PCMTD1: variants seen among roughly 807,000 people sequenced by gnomAD.
The protein encoded by PCMTD1 is protein-L-isoaspartate (D-aspartate) O-methyltransferase domain containing 1, also known as protein-L-isoaspartate O-methyltransferase domain-containing protein 1.
A neutral mutation model predicts 37.6 loss-of-function variants in PCMTD1; 12 were observed. That is an observed-to-expected ratio of 0.32 (90% confidence interval 0.20 to 0.52). PCMTD1 has a LOEUF of 0.52. PCMTD1 is among the 20% of genes least tolerant of loss of function. The probability of loss-of-function intolerance (pLI) is 0.97; values close to 1 mark genes in which losing one functional copy is unlikely to be tolerated. For synonymous variants in PCMTD1, 117 were observed against 135.8 expected, an observed-to-expected ratio of 0.86 and a Z score of 0.96; for missense variants, 235 against 421.3, an observed-to-expected ratio of 0.56 and a Z score of 3.87.
intron 1 of PCMTD1, among the ~76,000 whole-genome samples, chr8:51,897,824 A>C (rs1307389964): frequency 6.6e-6 from 1 of 152,160 alleles, no homozygotes; most frequent in Non-Finnish European, 1.5e-5. Flanking sequence ...TTTTTAAAAT[A>C]ATGAGGTGTG....
Position 51,831,586 on chromosome 8 carries a change from G to C in PCMTD1, c.583-19C>G, listed in dbSNP as rs753726413. On this transcript the variant is annotated intron_variant, in intron 4 of 5. Coordinates refer to ENST00000522514, the MANE Select transcript of PCMTD1 (RefSeq NM_052937.4). Reference sequence around the variant, plus strand: ...GTGTTAACTATTTAGAGAAAAAAAAGAAAGAAAGTGAACAACTTAATCCCA... The same window carrying C: ...GTGTTAACTATTTAGAGAAAAAAAACAAAGAAAGTGAACAACTTAATCCCA... 1.3e-6 allele frequency: 2 copies of C among 1,597,692 alleles called. No individual in the cohort carries two copies. Among genetic ancestry groups the C allele is most frequent in the Non-Finnish European group, 1.7e-6 (2 of 1,172,512 alleles).
At chr8:51,896,883 C>A (rs373259751) in intron 1 of PCMTD1, among the ~76,000 whole-genome samples, 763 of 128,266 alleles carry the variant, frequency 5.9e-3, no homozygotes, top group Middle Eastern at 8.0e-3. Flanking sequence ...CGCACTATTA[C>A]AAAAAAAAAA....
chr8:51,876,838 C>G (rs1364051415), intron 1 of PCMTD1, among the ~76,000 whole-genome samples: 6 of 152,186 alleles, frequency 3.9e-5, no homozygotes, highest in Admixed American at 2.6e-4. Flanking sequence ...AAAGCTCTCA[C>G]AGTAGAATGG....
intron 3 of PCMTD1, among the ~76,000 whole-genome samples, chr8:51,834,820 C>A (rs559741781): frequency 1.3e-4 from 20 of 152,180 alleles, no homozygotes; most frequent in Middle Eastern, 3.4e-3. Context: ...AAAATATATG[C>A]CCTGCCCTTC....
At chr8:51,871,877 A>G (rs752316749) in intron 1 of PCMTD1, among the ~76,000 whole-genome samples, 5 of 152,152 alleles carry the variant, frequency 3.3e-5, no homozygotes, top group Non-Finnish European at 5.9e-5. Flanking sequence ...CCAATTCAAT[A>G]CTACATATAA....
intron 1 of PCMTD1, among the ~76,000 whole-genome samples, chr8:51,866,066 A>T (rs1417816204): frequency 3.3e-5 from 5 of 151,868 alleles, no homozygotes; most frequent in Admixed American, 2.0e-4. Flanking sequence ...ATTTACAACA[A>T]CATCAAAAAA....
intron 1 of PCMTD1, among the ~76,000 whole-genome samples, chr8:51,879,038 A>G (rs2038755082): frequency 6.6e-6 from 1 of 152,036 alleles, no homozygotes; most frequent in Non-Finnish European, 1.5e-5. Flanking sequence ...AGGTGGGAAG[A>G]TTGCTTGAGC....
At chr8:51,827,434 T>C (rs968318017) in intron 5 of PCMTD1, 4 of 482,526 alleles carry the variant, frequency 8.3e-6, no homozygotes, top group Admixed American at 2.5e-5. Flanking sequence ...TTCTGAGTAG[T>C]GTAGTATAAT....
At chr8:51,847,272 T>A (rs1385301361) in intron 2 of PCMTD1, among the ~76,000 whole-genome samples, 1 of 152,190 alleles carries the variant, frequency 6.6e-6, no homozygotes, top group Non-Finnish European at 1.5e-5. Context: ...GAATTTGAAT[T>A]TCCATAGATG....
At chr8:51,873,293 T>C (rs919057077) in intron 1 of PCMTD1, among the ~76,000 whole-genome samples, 2 of 152,178 alleles carry the variant, frequency 1.3e-5, no homozygotes, top group South Asian at 4.1e-4. Flanking sequence ...TATTTCAATC[T>C]TATTCATAAA....
intron 2 of PCMTD1, among the ~76,000 whole-genome samples, chr8:51,855,665 GTTTT>G (rs762007282): frequency 1.6e-4 from 24 of 151,712 alleles, no homozygotes; most frequent in Non-Finnish European, 3.1e-4. Context: ...TGCAGAATGT[GTTTT>G]TTGTTTTGTT....
At chr8:51,824,826 G>A (rs2037899362) in intron 5 of PCMTD1, among the ~76,000 whole-genome samples, 1 of 152,100 alleles carries the variant, frequency 6.6e-6, no homozygotes, top group African/African-American at 2.4e-5. Context: ...AAAGCAGCAT[G>A]GTATGGTACC....
intron 1 of PCMTD1, among the ~76,000 whole-genome samples, chr8:51,892,549 G>A (rs1327427467): frequency 6.6e-6 from 1 of 152,194 alleles, no homozygotes; most frequent in Non-Finnish European, 1.5e-5. Context: ...TACAAGAAAA[G>A]ACCACCTACT....
intron 1 of PCMTD1, among the ~76,000 whole-genome samples, chr8:51,896,559 C>T (rs1234824029): frequency 6.6e-6 from 1 of 152,130 alleles, no homozygotes; most frequent in Admixed American, 6.5e-5. Context: ...AATAACATCC[C>T]AATTTACCAT....
rs759501975 is a variant in PCMTD1, at chr8:51,861,117, T to A, written c.35A>T (p.Asp12Val). ...GGAVSAGEDNDDLIDNLKEAQ... is the reference protein window; with the variant it reads ...GGAVSAGEDNVDLIDNLKEAQ... ...TTCTTTTAAATTATCAATTAAGTCA[T>A]CATTATCTTCCCCAGCACTCACAGC... The change falls in exon 2 of 6, where the codon GAT (aspartate) becomes GTT (valine). Residue 12 changes from aspartate to valine, a missense_variant. This residue lies in a region of PCMTD1 where 183 missense variants were observed against 349.3 expected (regional missense o/e 0.52). Coordinates refer to ENST00000522514, the MANE Select transcript of PCMTD1 (RefSeq NM_052937.4). 25 of 1,614,002 alleles carry A rather than the reference T, an allele frequency of 1.5e-5. No homozygotes were observed. The highest frequency in any genetic ancestry group is 2.0e-5 in the Non-Finnish European group (24 of 1,179,902).
intron 2 of PCMTD1, chr8:51,849,111 C>T (rs2038266513): frequency 6.6e-6 from 1 of 151,972 alleles, no homozygotes; most frequent in Non-Finnish European, 1.5e-5. Context: ...AAAAAGCATA[C>T]ATAGCTGCTT....
chr8:51,839,593 C>T, intron 3 of PCMTD1: 1 of 985,376 alleles, frequency 1.0e-6, no homozygotes, highest in Non-Finnish European at 1.2e-6. Flanking sequence ...CCTAGCCTTG[C>T]CCTGTAGCTT....
At chr8:51,850,911 CTT>C (rs1465784626) in intron 2 of PCMTD1, among the ~76,000 whole-genome samples, 1 of 152,106 alleles carries the variant, frequency 6.6e-6, no homozygotes, top group Admixed American at 6.6e-5. Flanking sequence ...AGGTTTCACT[CTT>C]TCTTTTCACA....
chr8:51,844,094 C>T (rs899517293), intron 3 of PCMTD1, among the ~76,000 whole-genome samples: 1 of 152,094 alleles, frequency 6.6e-6, no homozygotes, highest in Non-Finnish European at 1.5e-5. Flanking sequence ...TTCATGACTG[C>T]ATCTTAAGCA....
Sources: allele counts gnomAD v4.1 joint callset (sites outside exome capture counted in the v4.1 genomes callset), GRCh38; gene constraint gnomAD v4.1.1; regional missense constraint gnomAD v4.1.1; transcripts MANE v1.5; gene names NCBI Gene and HGNC (gene_info 2026-07-23, HGNC 2026-07-21).